CPQ: variants seen among roughly 807,000 people sequenced by gnomAD.
CPQ encodes carboxypeptidase Q.
In CPQ, 37 loss-of-function variants were observed where a neutral mutation model predicts 45.7. That is an observed-to-expected ratio of 0.81 (90% CI 0.62 to 1.07). The LOEUF is 1.07. Among genes scored for constraint, CPQ ranks in the 50% least tolerant of loss-of-function variants. The pLI is 0.00. For missense variants in CPQ, 537 were observed against 572.9 expected (o/e 0.94, Z 0.64); for synonymous variants, 186 against 205.8 (o/e 0.90, Z 0.82).
chr8:96,995,327 T>G (rs182344742), intron 5 of CPQ, among the ~76,000 whole-genome samples: 7 of 152,186 alleles, frequency 4.6e-5, no homozygotes, highest in South Asian at 2.1e-4. Context: ...TTGTGGTGGT[T>G]GTTGTTTTAT....
intron 1 of CPQ, among the ~76,000 whole-genome samples, chr8:96,672,836 T>C (rs1029632536): frequency 1.1e-4 from 17 of 152,138 alleles, no homozygotes; most frequent in African/African-American, 3.6e-4. Context: ...TGTTGTTTCT[T>C]TAAAATTTTT....
chr8:96,872,871 T>C (rs1300024069), intron 3 of CPQ, among the ~76,000 whole-genome samples: 1 of 151,936 alleles, frequency 6.6e-6, no homozygotes, highest in Non-Finnish European at 1.5e-5. Context: ...ATTTTAGCTA[T>C]TTTAACTTTT....
chr8:96,931,364 A>G (rs947251327), intron 4 of CPQ, among the ~76,000 whole-genome samples: 12 of 152,238 alleles, frequency 7.9e-5, no homozygotes, highest in African/African-American at 2.9e-4. Flanking sequence ...TTTTGGTCCT[A>G]TAGTTCATAG....
rs191660825 is a variant in CPQ, at chr8:96,824,005, T to A, written c.434-10968T>A. On this transcript the variant is annotated intron_variant, in intron 2 of 7. Coordinates refer to ENST00000220763, the MANE Select transcript of CPQ (RefSeq NM_016134.4). ...CATTCTATGTCTTCATATTCTAATC[T>A]ACATGGCAGCTAGTAAATGCATTGT... is the stretch of plus-strand genomic sequence containing the variant. Among the ~76,000 whole-genome samples the A allele has an allele frequency of 1.3e-3, 203 of 152,176 alleles. 2 individuals are homozygous for A. The highest frequency in any genetic ancestry group is 9.8e-3 in the Admixed American group (149 of 15,256).
At chr8:97,096,584 C>A (rs918324272) in intron 7 of CPQ, among the ~76,000 whole-genome samples, 1 of 152,112 alleles carries the variant, frequency 6.6e-6, no homozygotes, top group African/African-American at 2.4e-5. Context: ...TTGGAGAAGG[C>A]GGCATTTGAT....
chr8:96,727,464 G>A (rs1031632259), intron 1 of CPQ, among the ~76,000 whole-genome samples: 1 of 152,104 alleles, frequency 6.6e-6, no homozygotes, highest in African/African-American at 2.4e-5. Context: ...GACCACTTCA[G>A]GTTTTATCTC....
In CPQ at chr8:96,965,190, A is replaced by T. The variant is rs568197707; in HGVS notation, c.850-745A>T. Among the ~76,000 whole-genome samples, 5 of 152,212 alleles carry T rather than the reference A, an allele frequency of 3.3e-5. No homozygotes were observed. In the South Asian group the frequency reaches 1.0e-3, roughly 32 times the overall value. On this transcript the variant is annotated intron_variant, in intron 4 of 7. Coordinates refer to ENST00000220763, the MANE Select transcript of CPQ (RefSeq NM_016134.4). ...CTATAATGCATAAAACAATTTTTTAAATAAATTATTGTTCTCATTTTCTCA... is the reference window on the plus strand; with the variant it reads ...CTATAATGCATAAAACAATTTTTTATATAAATTATTGTTCTCATTTTCTCA...
At chr8:97,104,997 GT>G in intron 7 of CPQ, among the ~76,000 whole-genome samples, 1 of 152,298 alleles carries the variant, frequency 6.6e-6, no homozygotes, top group South Asian at 2.1e-4. Flanking sequence ...CAGAAAATCT[GT>G]TTCTGACTTT....
intron 7 of CPQ, among the ~76,000 whole-genome samples, chr8:97,072,129 G>A (rs906453029): frequency 2.0e-5 from 3 of 152,108 alleles, no homozygotes; most frequent in Non-Finnish European, 4.4e-5. Context: ...CGATAGAGTG[G>A]AATTACCTAG....
intron 3 of CPQ, among the ~76,000 whole-genome samples, chr8:96,859,240 AT>A (rs1447871531): frequency 1.3e-5 from 2 of 152,110 alleles, no homozygotes; most frequent in Non-Finnish European, 2.9e-5. Context: ...AGGGCTTTTG[AT>A]TGTAATTCTT....
chr8:96,645,425 A>C lies in CPQ; in HGVS notation c.-35+23A>C, dbSNP rs549269128. 551 of 152,874 alleles carry C rather than the reference A, an allele frequency of 3.6e-3. 3 individuals are homozygous for C. Among genetic ancestry groups the C allele is most frequent in the African/African-American group, 0.012 (510 of 41,592 alleles). 9.5% of individuals were successfully genotyped at this position (152,874 alleles called of 1,614,324 possible). A position where few individuals can be genotyped will look rare whatever the true frequency, so the allele number is the denominator to read the frequency against. On this transcript the variant is annotated intron_variant, in intron 1 of 7. Transcript: ENST00000220763. Reference sequence around the variant, plus strand: ...CAGGTGTGTTTGCAGCCGAACTGGCAGTGCCCGCGGGCGGCTGGGCCGAGG... The same window carrying C: ...CAGGTGTGTTTGCAGCCGAACTGGCCGTGCCCGCGGGCGGCTGGGCCGAGG...
At chr8:96,999,244 A>G (rs1216714625) in intron 5 of CPQ, among the ~76,000 whole-genome samples, 1 of 146,760 alleles carries the variant, frequency 6.8e-6, no homozygotes, top group African/African-American at 2.6e-5. Context: ...TTTTTTTTTT[A>G]ACTTTTATTT....
At chr8:97,030,772 C>T (rs1352763112) in intron 6 of CPQ, among the ~76,000 whole-genome samples, 2 of 152,256 alleles carry the variant, frequency 1.3e-5, no homozygotes, top group Non-Finnish European at 2.9e-5. Flanking sequence ...AGGACACTGA[C>T]GATTAACTTG....
chr8:97,044,865 C>A (rs1810207553), intron 6 of CPQ, among the ~76,000 whole-genome samples: 1 of 152,258 alleles, frequency 6.6e-6, no homozygotes, highest in East Asian at 1.9e-4. Context: ...AGAGGAGTAC[C>A]CGGCTGTGTG....
intron 6 of CPQ, among the ~76,000 whole-genome samples, chr8:97,030,020 G>A (rs1809872353): frequency 1.3e-5 from 2 of 152,232 alleles, no homozygotes; most frequent in African/African-American, 2.4e-5. Context: ...ACACAAGTGT[G>A]AAGCTTGAAG....
chr8:96,693,171 T>G (rs879018574), intron 1 of CPQ, among the ~76,000 whole-genome samples: 7 of 151,398 alleles, frequency 4.6e-5, no homozygotes, highest in Admixed American at 1.3e-4. Flanking sequence ...ATAAAAAAGA[T>G]TGAAGCATGC....
At chr8:96,839,429 AC>A (rs374382013) in intron 3 of CPQ, among the ~76,000 whole-genome samples, 4 of 151,340 alleles carry the variant, frequency 2.6e-5, no homozygotes, top group Non-Finnish European at 2.9e-5. Flanking sequence ...ATCAACTGAG[AC>A]CCCCCCATTA....
intron 3 of CPQ, among the ~76,000 whole-genome samples, chr8:96,853,921 A>G (rs559591941): frequency 6.6e-6 from 1 of 152,340 alleles, no homozygotes; most frequent in South Asian, 2.1e-4. Context: ...TAAGGTGGAA[A>G]TCAGAGAAGA....
chr8:96,744,350 G>A (rs531819468), intron 1 of CPQ, among the ~76,000 whole-genome samples: 40 of 152,308 alleles, frequency 2.6e-4, no homozygotes, highest in African/African-American at 8.2e-4. Context: ...CACAGTGCGC[G>A]CACCCACTGA....
Sources: gnomAD v4.1 joint callset for allele counts (sites outside exome capture counted in the v4.1 genomes callset) on GRCh38, gnomAD v4.1.1 for gene constraint, MANE v1.5 for transcripts, NCBI Gene and HGNC (gene_info 2026-07-23, HGNC 2026-07-21) for gene names.